Variants in DTD1 observed in about 807,000 individuals in gnomAD.
The protein encoded by DTD1 is D-aminoacyl-tRNA deacylase 1.
In DTD1, 13 loss-of-function variants were observed where a neutral mutation model predicts 25.6. The ratio of observed to expected loss-of-function variants is 0.51; its 90% CI spans 0.33 to 0.81. The LOEUF (loss-of-function observed/expected upper bound fraction) is 0.81. DTD1 is among the 30% of genes least tolerant of loss of function. The probability of loss-of-function intolerance (pLI) is 0.02; values close to 1 mark genes in which losing one functional copy is unlikely to be tolerated. For synonymous variants in DTD1, 110 were observed against 103.6 expected, an observed-to-expected ratio of 1.06 and a Z score of -0.37; for missense variants, 193 against 266.4, an observed-to-expected ratio of 0.72 and a Z score of 1.92.
At chr20:18,734,418 A>G (rs181861132) in intron 4 of DTD1, among the ~76,000 whole-genome samples, 97 of 152,306 alleles carry the variant, frequency 6.4e-4, no homozygotes, top group Middle Eastern at 3.4e-3. Flanking sequence ...TTTGAGTGCA[A>G]GTCTCCATCA....
intron 4 of DTD1, among the ~76,000 whole-genome samples, chr20:18,635,605 G>A (rs2060804039): frequency 6.6e-6 from 1 of 152,236 alleles, no homozygotes. Context: ...GTCCTTGTCA[G>A]TGCCTGGGGG....
At chr20:18,727,527 G>A (rs193271186) in intron 4 of DTD1, among the ~76,000 whole-genome samples, 15 of 152,286 alleles carry the variant, frequency 9.8e-5, no homozygotes, top group African/African-American at 3.4e-4. Context: ...ATCTGGGTGG[G>A]GAGAGACGTT....
chr20:18,691,004 G>C (rs931289947), intron 4 of DTD1, among the ~76,000 whole-genome samples: 1 of 152,148 alleles, frequency 6.6e-6, no homozygotes, highest in East Asian at 1.9e-4. Flanking sequence ...GCCAACAAAC[G>C]TGGAAAAATG....
intron 4 of DTD1, among the ~76,000 whole-genome samples, chr20:18,735,204 C>G (rs1158509321): frequency 2.0e-5 from 3 of 152,152 alleles, no homozygotes; most frequent in Non-Finnish European, 4.4e-5. Context: ...TTGTTATTTT[C>G]TTTGCTTTCT....
At chr20:18,685,546 G>A (rs1480574514) in intron 4 of DTD1, among the ~76,000 whole-genome samples, 1 of 152,136 alleles carries the variant, frequency 6.6e-6, no homozygotes, top group Admixed American at 6.5e-5. Flanking sequence ...CCTGCGCCTC[G>A]CTCCAGCTTC....
chr20:18,710,590 TA>T (rs973773549), intron 4 of DTD1, among the ~76,000 whole-genome samples: 23 of 152,258 alleles, frequency 1.5e-4, no homozygotes, highest in African/African-American at 5.5e-4. Flanking sequence ...ATAAGCTTTA[TA>T]AAATGTAAAA....
intron 4 of DTD1, among the ~76,000 whole-genome samples, chr20:18,742,109 G>A (rs1416836310): frequency 3.3e-5 from 5 of 151,986 alleles, no homozygotes; most frequent in South Asian, 2.1e-4. Context: ...CACATTACAC[G>A]TATCTGTCCT....
At chr20:18,717,994 G>C (rs2061188103) in intron 4 of DTD1, among the ~76,000 whole-genome samples, 2 of 152,176 alleles carry the variant, frequency 1.3e-5, no homozygotes, top group African/African-American at 2.4e-5. Flanking sequence ...GATGGGCTCT[G>C]TCTGGGTTCA....
intron 3 of DTD1, among the ~76,000 whole-genome samples, chr20:18,601,448 G>A (rs1258446956): frequency 3.3e-5 from 5 of 149,290 alleles, no homozygotes; most frequent in African/African-American, 5.0e-5. Flanking sequence ...GCAGTGAGCC[G>A]AGATTACGCC....
intron 4 of DTD1, among the ~76,000 whole-genome samples, chr20:18,688,287 A>G (rs983129468): frequency 2.0e-5 from 3 of 152,158 alleles, no homozygotes; most frequent in Admixed American, 2.0e-4. Context: ...CCCTCTCCTC[A>G]CTGAGTCTTC....
chr20:18,648,052 C>T lies in DTD1; in HGVS notation c.477+19819C>T, dbSNP rs935349362. On this transcript the variant is annotated intron_variant, in intron 4 of 5. Coordinates refer to ENST00000377452, the MANE Select transcript of DTD1 (RefSeq NM_080820.6). ...CAGTTGTTCTCTTTGTTCACCTGATCCCTTCTCTTTGGTGCTGATAATCTC... is the reference window on the plus strand; with the variant it reads ...CAGTTGTTCTCTTTGTTCACCTGATTCCTTCTCTTTGGTGCTGATAATCTC... Among the ~76,000 whole-genome samples the T allele has an allele frequency of 5.3e-5, 8 of 152,286 alleles. No individual in the cohort carries two copies. The East Asian group carries it at 1.4e-3, about 26-fold the overall frequency.
intron 4 of DTD1, among the ~76,000 whole-genome samples, chr20:18,708,060 A>AATGTGCCTGGTCCCAATTGAG (rs1466516034): frequency 6.7e-6 from 1 of 149,220 alleles, no homozygotes; most frequent in Admixed American, 6.8e-5. Flanking sequence ...TGCCTCTTGA[A>AATGTGCCTGGTCCCAATTGAG]ATGTGCCTGG....
chr20:18,608,977 G>A (rs1276430440), intron 3 of DTD1, among the ~76,000 whole-genome samples: 8 of 151,912 alleles, frequency 5.3e-5, no homozygotes, highest in Non-Finnish European at 1.0e-4. Context: ...ACATTCATAG[G>A]TCTTCATGGA....
At chr20:18,702,344 C>CAGTT (rs1398033240) in intron 4 of DTD1, among the ~76,000 whole-genome samples, 1 of 152,218 alleles carries the variant, frequency 6.6e-6, no homozygotes, top group East Asian at 1.9e-4. Context: ...TTGAACCCTT[C>CAGTT]AGTTGGGTGC....
At chr20:18,631,487 T>C (rs1272542903) in intron 4 of DTD1, 3 of 985,378 alleles carry the variant, frequency 3.0e-6, no homozygotes, top group South Asian at 4.7e-5. Flanking sequence ...TCTTATCCCA[T>C]TGGGTTTTAA....
intron 4 of DTD1, among the ~76,000 whole-genome samples, chr20:18,722,759 T>G (rs1294854250): frequency 6.6e-6 from 1 of 152,196 alleles, no homozygotes; most frequent in Admixed American, 6.5e-5. Flanking sequence ...TTTTAAGGAA[T>G]GGGCTGTCTT....
rs957110070 is a variant in DTD1 at position 18,647,838 on chromosome 20, G to A, written c.477+19605G>A. ...TGGCAGATAGATTGGACTGGGCAAG[G>A]TAAAGGAGGCAGAAAGACCTGAAAG... On this transcript the variant is annotated intron_variant, in intron 4 of 5. Coordinates refer to ENST00000377452, the MANE Select transcript of DTD1 (RefSeq NM_080820.6). 4.6e-5 allele frequency among the ~76,000 whole-genome samples: 7 copies of A among 152,176 alleles called. 1 individual carries two copies. Among genetic ancestry groups the A allele is most frequent in the Admixed American group, 4.6e-4 (7 of 15,278 alleles).
chr20:18,719,549 T>G (rs955763773), intron 4 of DTD1, among the ~76,000 whole-genome samples: 4 of 152,228 alleles, frequency 2.6e-5, no homozygotes, highest in African/African-American at 9.6e-5. Context: ...ACCCAAGTTG[T>G]GGAAACAGGC....
intron 3 of DTD1, among the ~76,000 whole-genome samples, chr20:18,611,845 T>A (rs1254436056): frequency 1.3e-5 from 2 of 152,132 alleles, no homozygotes; most frequent in Admixed American, 6.6e-5. Context: ...CATGTTTTTT[T>A]AAAATTATTA....
Sources: allele counts gnomAD v4.1 joint callset (sites outside exome capture counted in the v4.1 genomes callset), GRCh38; gene constraint gnomAD v4.1.1; transcripts MANE v1.5; gene names NCBI Gene and HGNC (gene_info 2026-07-23, HGNC 2026-07-21).